The following AIM2 variants were observed in gnomAD, a reference collection of about 807,000 sequenced individuals.
AIM2 encodes interferon-inducible protein AIM2.
AIM2 carries 30 observed loss-of-function variants against 27.7 expected under a neutral mutation model. The ratio of observed to expected loss-of-function variants is 1.08; its 90% CI spans 0.81 to 1.47. The LOEUF (loss-of-function observed/expected upper bound fraction) is 1.47. Ranked by LOEUF, AIM2 falls within the 40% of genes most tolerant of loss-of-function variation. The pLI, the probability that AIM2 is intolerant of heterozygous loss-of-function variation, is 0.00. For missense variants in AIM2, 358 were observed against 411.3 expected (o/e 0.87, Z 1.12); for synonymous variants, 141 against 145.3 (o/e 0.97, Z 0.21).
At chr1:159,110,755 C>T (rs1180626468) in intron 1 of AIM2, among the ~76,000 whole-genome samples, 1 of 152,190 alleles carries the variant, frequency 6.6e-6, no homozygotes, top group Non-Finnish European at 1.5e-5. Flanking sequence ...TAAATGGTAT[C>T]TGCACCAAGC....
intron 1 of AIM2, among the ~76,000 whole-genome samples, chr1:159,100,314 T>G (rs1657284634): frequency 6.6e-6 from 1 of 152,234 alleles, no homozygotes; most frequent in African/African-American, 2.4e-5. Flanking sequence ...AAACCATTTG[T>G]GTTGGGAAAT....
At chr1:159,128,803 A>G (rs1050820702) in intron 1 of AIM2, among the ~76,000 whole-genome samples, 1 of 151,838 alleles carries the variant, frequency 6.6e-6, no homozygotes, top group Non-Finnish European at 1.5e-5. Flanking sequence ...TAGTCAGCTC[A>G]CTCTTCATAT....
At chr1:159,122,559 G>GA (rs1308325228) in intron 1 of AIM2, among the ~76,000 whole-genome samples, 1 of 152,156 alleles carries the variant, frequency 6.6e-6, no homozygotes, top group East Asian at 1.9e-4. Context: ...TCCAGACCAC[G>GA]ATTGCTCTAG....
intron 1 of AIM2, among the ~76,000 whole-genome samples, chr1:159,084,297 T>G (rs1656846848): frequency 6.6e-6 from 1 of 152,100 alleles, no homozygotes; most frequent in Admixed American, 6.5e-5. Flanking sequence ...CCTTCCCTCC[T>G]CCAAGCCCAC....
intron 1 of AIM2, among the ~76,000 whole-genome samples, chr1:159,098,591 A>G (rs557415974): frequency 1.7e-4 from 26 of 152,316 alleles, no homozygotes; most frequent in African/African-American, 5.8e-4. Context: ...AAATAAGTAC[A>G]CAGGCAATGA....
rs910065835 is a variant in AIM2 at position 159,062,528 on chromosome 1, G to C, written c.*164C>G. 6.4e-5 allele frequency: 41 copies of C among 636,068 alleles called. 2 individuals are homozygous for C. The East Asian group carries it at 1.1e-3, about 17-fold the overall frequency. The allele number at this position is 636,068 out of a possible 1,614,324, so 39.4% of individuals were successfully genotyped here. Reference sequence around the variant, plus strand: ...TATTGTGATCATCTGTTGATATTCTGAATTTGTTTATCCAGCAATTATTCT... The same window carrying C: ...TATTGTGATCATCTGTTGATATTCTCAATTTGTTTATCCAGCAATTATTCT... On this transcript the variant is annotated 3_prime_UTR_variant, in exon 6 of 6. Coordinates refer to ENST00000368130, the MANE Select transcript of AIM2 (RefSeq NM_004833.3).
the AIM2 span, among the ~76,000 whole-genome samples, chr1:159,057,445 A>G: frequency 1.3e-5 from 2 of 152,196 alleles, no homozygotes; most frequent in East Asian, 3.8e-4. Flanking sequence ...ATTTGGGTGC[A>G]TGGTGCTTGG....
At chr1:159,078,556 T>C (rs1462405125), upstream of AIM2, among the ~76,000 whole-genome samples, 2 of 152,102 alleles carry the variant, frequency 1.3e-5, no homozygotes, top group East Asian at 3.8e-4. Flanking sequence ...TCAGGTCCTG[T>C]AAAAGGTGAG....
At chr1:159,126,193 A>G (rs1241246958) in intron 1 of AIM2, among the ~76,000 whole-genome samples, 2 of 152,204 alleles carry the variant, frequency 1.3e-5, no homozygotes, top group Admixed American at 1.3e-4. Context: ...AATGGAAGTC[A>G]GGGAAGGACG....
chr1:159,110,426 T>TA (rs1657540713), intron 1 of AIM2, among the ~76,000 whole-genome samples: 1 of 152,200 alleles, frequency 6.6e-6, no homozygotes, highest in South Asian at 2.1e-4. Flanking sequence ...ACTGATGTTT[T>TA]AAAAAATTCT....
chr1:159,056,918 G>A, the AIM2 span, among the ~76,000 whole-genome samples: 3 of 151,970 alleles, frequency 2.0e-5, no homozygotes, highest in Non-Finnish European at 2.9e-5. Context: ...ACTGAGGGGG[G>A]AGAAAGGAAA....
At chr1:159,105,171 C>T (rs1247233389) in intron 1 of AIM2, among the ~76,000 whole-genome samples, 1 of 152,232 alleles carries the variant, frequency 6.6e-6, no homozygotes, top group Non-Finnish European at 1.5e-5. Flanking sequence ...GCCAGGCACT[C>T]CAGCTGCTGC....
downstream of AIM2, among the ~76,000 whole-genome samples, chr1:159,057,784 CAAAA>C (rs1298701532): frequency 3.9e-5 from 6 of 152,092 alleles, no homozygotes; most frequent in South Asian, 2.1e-4. Flanking sequence ...AAAAAACAAA[CAAAA>C]AAACATAAAT....
chr1:159,101,120 G>A (rs1168534039), intron 1 of AIM2, among the ~76,000 whole-genome samples: 1 of 150,672 alleles, frequency 6.6e-6, no homozygotes, highest in African/African-American at 2.4e-5. Flanking sequence ...ACCTTGAATT[G>A]TAATAAGCCC....
In AIM2 at chr1:159,062,736, A is replaced by C. The variant is rs1290751780; in HGVS notation, c.1006-18T>G. 4 of 1,613,610 alleles carry C rather than the reference A, an allele frequency of 2.5e-6. No homozygotes were observed. Among genetic ancestry groups the C allele is most frequent in the Non-Finnish European group, 3.4e-6 (4 of 1,179,720 alleles). On this transcript the variant is annotated intron_variant, in intron 5 of 5. Coordinates refer to ENST00000368130, the MANE Select transcript of AIM2 (RefSeq NM_004833.3). Reference sequence around the variant, plus strand: ...TTAATAACCTGGATGGAGAAAAAAAACATGCAGTCTGAGATGCAGTCGATG... The same window carrying C: ...TTAATAACCTGGATGGAGAAAAAAACCATGCAGTCTGAGATGCAGTCGATG...
At chr1:159,090,190 A>G (rs1191564303) in intron 1 of AIM2, among the ~76,000 whole-genome samples, 1 of 152,178 alleles carries the variant, frequency 6.6e-6, no homozygotes, top group Non-Finnish European at 1.5e-5. Context: ...TCTCTCCTTT[A>G]TAGGTGTTCC....
chr1:159,118,109 A>G (rs1250141714), intron 1 of AIM2, among the ~76,000 whole-genome samples: 3 of 152,130 alleles, frequency 2.0e-5, no homozygotes, highest in Non-Finnish European at 4.4e-5. Context: ...ATCCCCCAAC[A>G]TCCAGGCCAT....
intron 1 of AIM2, among the ~76,000 whole-genome samples, chr1:159,126,405 T>C (rs1013273358): frequency 1.3e-5 from 2 of 152,078 alleles, no homozygotes; most frequent in Non-Finnish European, 2.9e-5. Flanking sequence ...CCCAGCACTT[T>C]GGGAGGCTGA....
In AIM2 at chr1:159,062,729, A is replaced by G. The variant is rs180898726; in HGVS notation, c.1006-11T>C. ...TTTGGCCTTAATAACCTGGATGGAG[A>G]AAAAAAACATGCAGTCTGAGATGCA... On this transcript the variant is annotated splice_polypyrimidine_tract_variant and intron_variant, in intron 5 of 5. Coordinates refer to ENST00000368130, the MANE Select transcript of AIM2 (RefSeq NM_004833.3). 1,779 of 1,611,560 alleles carry G rather than the reference A, an allele frequency of 1.1e-3. 19 individuals carry two copies. In the African/African-American group the frequency reaches 0.019, roughly 17 times the overall value.
Sources: allele counts gnomAD v4.1 joint callset (sites outside exome capture counted in the v4.1 genomes callset), GRCh38; gene constraint gnomAD v4.1.1; transcripts MANE v1.5; gene names NCBI Gene and HGNC (gene_info 2026-07-23, HGNC 2026-07-21).